The following FAM178B variants were observed in gnomAD, a reference collection of about 807,000 sequenced individuals.
The protein encoded by FAM178B is protein FAM178B.
In FAM178B, 82 loss-of-function variants were observed where a neutral mutation model predicts 91.7. That is an observed-to-expected ratio of 0.89 (90% CI 0.75 to 1.07). The LOEUF (loss-of-function observed/expected upper bound fraction) is 1.07, where lower values mean the gene tolerates loss of function less well. Ranked by LOEUF, FAM178B falls within the 50% of genes least tolerant of loss-of-function variation. The pLI is 0.00. For missense variants in FAM178B, 769 were observed against 846.7 expected (o/e 0.91, Z 1.14); for synonymous variants, 368 against 359.4 (o/e 1.02, Z -0.27).
chr2:96,968,917 A>C (rs1423391086), intron 4 of FAM178B, among the ~76,000 whole-genome samples: 1 of 152,084 alleles, frequency 6.6e-6, no homozygotes, highest in Non-Finnish European at 1.5e-5. Context: ...ACCCCTCTGC[A>C]CTGAGAATTT....
chr2:96,925,483 T>A (rs1335675473), intron 9 of FAM178B, among the ~76,000 whole-genome samples: 1 of 152,258 alleles, frequency 6.6e-6, no homozygotes, highest in Non-Finnish European at 1.5e-5. Context: ...CATCTGTGGC[T>A]GCTGTTCTGA....
intron 9 of FAM178B, among the ~76,000 whole-genome samples, chr2:96,925,965 C>T (rs544179682): frequency 6.6e-6 from 1 of 152,250 alleles, no homozygotes; most frequent in Non-Finnish European, 1.5e-5. Context: ...TGTTAATTGT[C>T]ATGTATTTAC....
At chr2:96,923,797 C>T (rs1242657761) in intron 9 of FAM178B, among the ~76,000 whole-genome samples, 2 of 152,186 alleles carry the variant, frequency 1.3e-5, no homozygotes, top group Non-Finnish European at 2.9e-5. Flanking sequence ...GGATGTTGCC[C>T]TCAAGATGTT....
chr2:96,962,043 C>T (rs965748717), intron 5 of FAM178B, among the ~76,000 whole-genome samples: 2 of 152,084 alleles, frequency 1.3e-5, no homozygotes, highest in African/African-American at 2.4e-5. Context: ...AGGCCAGGTG[C>T]GGTGGCTCAG....
chr2:96,906,123 T>A (rs1323406108), intron 12 of FAM178B, among the ~76,000 whole-genome samples: 2 of 150,238 alleles, frequency 1.3e-5, no homozygotes, highest in Non-Finnish European at 3.0e-5. Flanking sequence ...CGCCTGAGTG[T>A]TCTGCCCACC....
chr2:96,939,542 A>G (rs910300215), intron 8 of FAM178B, among the ~76,000 whole-genome samples: 1 of 152,164 alleles, frequency 6.6e-6, no homozygotes, highest in African/African-American at 2.4e-5. Flanking sequence ...AACAAAGGCA[A>G]AGTCAGAGAG....
intron 14 of FAM178B, among the ~76,000 whole-genome samples, chr2:96,880,890 G>A (rs962735082): frequency 8.5e-5 from 13 of 152,208 alleles, no homozygotes; most frequent in African/African-American, 2.6e-4. Context: ...CACCGCGCCC[G>A]GCTAAAACTT....
At chr2:96,923,367 A>G in intron 10 of FAM178B, 123 bp downstream of exon 10, 1 of 737,158 alleles carries the variant, frequency 1.4e-6, no homozygotes, top group Non-Finnish European at 2.4e-6. Context: ...CACAGCCAGC[A>G]CAGTGCCTGC....
chr2:96,890,942 G>T (rs983108924), intron 14 of FAM178B, among the ~76,000 whole-genome samples: 1 of 152,226 alleles, frequency 6.6e-6, no homozygotes, highest in Non-Finnish European at 1.5e-5. Flanking sequence ...AACCAGGCAT[G>T]CACAGGGCCA....
At chr2:96,971,866 C>G in intron 3 of FAM178B, 35 bp downstream of exon 3, 1 of 1,446,392 alleles carries the variant, frequency 6.9e-7, no homozygotes, top group East Asian at 2.6e-5. Context: ...GATGGGTAGC[C>G]AAGGAGAAGA....
chr2:96,884,552 G>C (rs1394313079), intron 14 of FAM178B, among the ~76,000 whole-genome samples: 1 of 152,218 alleles, frequency 6.6e-6, no homozygotes, highest in Non-Finnish European at 1.5e-5. Flanking sequence ...TCAGGCCCCA[G>C]GCCAAGAGCC....
chr2:96,984,914 T>C (rs1355128336), intron 1 of FAM178B, among the ~76,000 whole-genome samples: 2 of 152,164 alleles, frequency 1.3e-5, no homozygotes, highest in Non-Finnish European at 2.9e-5. Context: ...GGCTGACTCC[T>C]TCATCACAGC....
chr2:96,911,230 C>T (rs1040736393), intron 12 of FAM178B, among the ~76,000 whole-genome samples: 10 of 152,154 alleles, frequency 6.6e-5, no homozygotes, highest in Non-Finnish European at 8.8e-5. Context: ...GCTCACGGCC[C>T]GCGTCAGTGA....
At chr2:96,936,430 C>T (rs13004251) in intron 8 of FAM178B, among the ~76,000 whole-genome samples, 68,214 of 150,436 alleles carry the variant, frequency 0.45, 18,234 homozygotes, top group Non-Finnish European at 0.62. Context: ...CTCGATCTCC[C>T]GACCTTGTGA....
chr2:96,902,125 A>ATTTTTTTTT (rs2080946026), intron 13 of FAM178B, among the ~76,000 whole-genome samples: 1 of 109,874 alleles, frequency 9.1e-6, no homozygotes, highest in African/African-American at 3.5e-5. Flanking sequence ...TTTTTTTTTG[A>ATTTTTTTTT]GATGGAGTCT....
At position 96,947,879 on chromosome 2, in the gene FAM178B, T is replaced by C. The variant is rs1624844; in HGVS notation, c.1017A>G (p.Thr339=). The C allele has an allele frequency of 0.76, 1,179,552 of 1,543,212 alleles. 463,940 individuals carry two copies. The highest frequency in any genetic ancestry group is 0.93 in the African/African-American group (67,942 of 72,786). ...ACAGAAGACCAAAGGCTCCCAAAGA[T>C]GTTTCTGGAGGCCATGTCAGCAGCT... ...LFQLLTWPPE[T]SLGAFGLLWD... The change falls in exon 8 of 17, where the codon ACA becomes ACG. Residue 339 remains threonine (T), a synonymous_variant. Coordinates refer to ENST00000490605, the MANE Select transcript of FAM178B (RefSeq NM_001122646.3).
At chr2:96,912,289 A>G (rs2081171743) in intron 12 of FAM178B, among the ~76,000 whole-genome samples, 2 of 151,946 alleles carry the variant, frequency 1.3e-5, no homozygotes, top group African/African-American at 4.8e-5. Context: ...TAAGGTGACC[A>G]CCTTTGGCAG....
At chr2:96,896,814 G>A (rs10182965) in intron 13 of FAM178B, among the ~76,000 whole-genome samples, 34,914 of 152,054 alleles carry the variant, frequency 0.23, 5,367 homozygotes, top group South Asian at 0.65. Context: ...CCTTCCAGCC[G>A]TTGCTCCACA....
chr2:96,950,038 G>C (rs998294233), intron 7 of FAM178B: 2 of 985,688 alleles, frequency 2.0e-6, no homozygotes, highest in Non-Finnish European at 2.4e-6. Flanking sequence ...GCAGCATGAT[G>C]GAGACGGGGA....
Sources: gnomAD v4.1 joint callset for allele counts (sites outside exome capture counted in the v4.1 genomes callset) on GRCh38, gnomAD v4.1.1 for gene constraint, MANE v1.5 for transcripts, NCBI Gene and HGNC (gene_info 2026-07-23, HGNC 2026-07-21) for gene names.